The following LINGO2 variants were observed in gnomAD, a reference collection of about 807,000 sequenced individuals.
The protein encoded by LINGO2 is leucine rich repeat and Ig domain containing 2, also known as leucine-rich repeat and immunoglobulin-like domain-containing nogo receptor-interacting protein 2.
LINGO2 carries 14 observed loss-of-function variants against 30.6 expected under a neutral mutation model. That is an observed-to-expected ratio of 0.46 (90% CI 0.30 to 0.72). The LOEUF (loss-of-function observed/expected upper bound fraction) is 0.72. LINGO2 is among the 30% of genes least tolerant of loss of function. The pLI is 0.07. For synonymous variants in LINGO2, 317 were observed against 288.5 expected (o/e 1.10, Z -1.00); for missense variants, 729 against 751.7 (o/e 0.97, Z 0.35).
chr9:29,113,898 G>A, the LINGO2 span, among the ~76,000 whole-genome samples: 1 of 151,832 alleles, frequency 6.6e-6, no homozygotes, highest in Non-Finnish European at 1.5e-5. Context: ...CTTTCTACAT[G>A]GCCAAAGAAC....
chr9:29,028,334 T>C, the LINGO2 span, among the ~76,000 whole-genome samples: 1 of 149,906 alleles, frequency 6.7e-6, no homozygotes, highest in Non-Finnish European at 1.5e-5. Flanking sequence ...TATTGTGCAG[T>C]TCAGGAAGGA....
At chr9:28,781,144 T>G in the LINGO2 span, among the ~76,000 whole-genome samples, 1 of 152,038 alleles carries the variant, frequency 6.6e-6, no homozygotes, top group Non-Finnish European at 1.5e-5. Context: ...GGCCTTACAT[T>G]ATGTAATAGG....
intron 1 of LINGO2, among the ~76,000 whole-genome samples, chr9:28,641,615 C>T (rs1563886413): frequency 2.0e-5 from 3 of 152,130 alleles, no homozygotes. Flanking sequence ...TCTAATCTGA[C>T]CTGATTTCAC....
intron 3 of LINGO2, among the ~76,000 whole-genome samples, chr9:28,354,783 T>C (rs969398708): frequency 6.6e-6 from 1 of 152,198 alleles, no homozygotes; most frequent in Non-Finnish European, 1.5e-5. Flanking sequence ...AAAACTCTTT[T>C]AATATAACTT....
chr9:28,879,386 T>C, the LINGO2 span, among the ~76,000 whole-genome samples: 1 of 152,282 alleles, frequency 6.6e-6, no homozygotes, highest in Admixed American at 6.5e-5. Flanking sequence ...TTGGTTTTTA[T>C]TCTCCACCAC....
chr9:28,579,351 G>A (rs995685070), intron 1 of LINGO2, among the ~76,000 whole-genome samples: 2 of 151,980 alleles, frequency 1.3e-5, no homozygotes, highest in Admixed American at 1.3e-4. Context: ...TGACAGAAAA[G>A]TACATCCATT....
At position 28,227,211 on chromosome 9, in the gene LINGO2, C is replaced by T. The variant is rs999979129; in HGVS notation, c.-87+67997G>A. 2.0e-5 allele frequency among the ~76,000 whole-genome samples: 3 copies of T among 152,078 alleles called. 1 individual carries two copies. Among genetic ancestry groups the T allele is most frequent in the Non-Finnish European group, 4.4e-5 (3 of 67,980 alleles). ...ATAATGTATGCAAATCCAATAGGAG[C>T]TGGCAGAACAAGAAGTAAAATCCAG... On this transcript the variant is annotated intron_variant, in intron 4 of 5. Transcript: ENST00000379992.
the LINGO2 span, among the ~76,000 whole-genome samples, chr9:28,952,751 G>C: frequency 8.5e-5 from 13 of 152,144 alleles, no homozygotes; most frequent in Non-Finnish European, 1.8e-4. Flanking sequence ...GATTGTAGCT[G>C]CATGAATGTC....
chr9:28,950,040 T>A, the LINGO2 span, among the ~76,000 whole-genome samples: 1 of 152,118 alleles, frequency 6.6e-6, no homozygotes, highest in Admixed American at 6.6e-5. Context: ...AAAAAGTTTA[T>A]CCACCACAAA....
At chr9:28,051,086 C>G (rs1186184032) in intron 4 of LINGO2, among the ~76,000 whole-genome samples, 1 of 150,796 alleles carries the variant, frequency 6.6e-6, no homozygotes, top group Non-Finnish European at 1.5e-5. Context: ...GTCGTCTTCT[C>G]CTGCTTTCCT....
At chr9:28,026,827 C>T (rs184431438) in intron 4 of LINGO2, among the ~76,000 whole-genome samples, 9 of 152,244 alleles carry the variant, frequency 5.9e-5, no homozygotes, top group Admixed American at 3.9e-4. Context: ...TTTTTATTGC[C>T]AGTTATAAGT....
At chr9:28,144,739 G>A (rs1489899188) in intron 4 of LINGO2, among the ~76,000 whole-genome samples, 2 of 152,160 alleles carry the variant, frequency 1.3e-5, no homozygotes, top group Non-Finnish European at 2.9e-5. Context: ...CGGGACTCCT[G>A]CCTACAAGGA....
At chr9:28,362,026 C>A (rs908053404) in intron 3 of LINGO2, among the ~76,000 whole-genome samples, 3 of 152,162 alleles carry the variant, frequency 2.0e-5, no homozygotes, top group African/African-American at 7.2e-5. Flanking sequence ...CTGTCTGAAT[C>A]TGAATTTCCT....
At chr9:28,639,013 T>A (rs921265729) in intron 1 of LINGO2, among the ~76,000 whole-genome samples, 1 of 152,154 alleles carries the variant, frequency 6.6e-6, no homozygotes, top group Admixed American at 6.5e-5. Context: ...GATTCTGGTA[T>A]GTTGTGTCTT....
chr9:29,023,901 A>C, the LINGO2 span, among the ~76,000 whole-genome samples: 2 of 152,278 alleles, frequency 1.3e-5, no homozygotes, highest in African/African-American at 4.8e-5. Context: ...TATAATATGT[A>C]TAATACAGAT....
rs76369877 is a variant in LINGO2, at chr9:28,166,888, C to T, written c.-87+128320G>A. Among the ~76,000 whole-genome samples the T allele has an allele frequency of 8.6e-3, 1,311 of 152,208 alleles. 19 individuals are homozygous for T. The highest frequency in any genetic ancestry group is 0.027 in the African/African-American group (1,138 of 41,518). The stretch of plus-strand genomic sequence containing the variant: ...CCATTACTCTGTGCTATTTCATGTA[C>T]CTACTAAAGTATGACTCTTCTGGGG... On this transcript the variant is annotated intron_variant, in intron 4 of 5. Coordinates refer to ENST00000379992, the Ensembl canonical transcript of LINGO2.
chr9:28,742,407 C>G, the LINGO2 span, among the ~76,000 whole-genome samples: 1 of 151,312 alleles, frequency 6.6e-6, no homozygotes, highest in Admixed American at 6.6e-5. Flanking sequence ...TGTGCAAAGT[C>G]CTGTTCTGCC....
At chr9:28,106,733 C>G (rs980795576) in intron 4 of LINGO2, among the ~76,000 whole-genome samples, 2 of 152,090 alleles carry the variant, frequency 1.3e-5, no homozygotes, top group African/African-American at 2.4e-5. Flanking sequence ...AGCAGTGAAG[C>G]CTTCTCAAAT....
intron 5 of LINGO2, among the ~76,000 whole-genome samples, chr9:27,988,346 A>G (rs936467268): frequency 6.6e-6 from 1 of 151,962 alleles, no homozygotes; most frequent in African/African-American, 2.4e-5. Context: ...ATGATTTATA[A>G]TCCTTTGGGT....
Sources: gnomAD v4.1 joint callset for allele counts (sites outside exome capture counted in the v4.1 genomes callset) on GRCh38, gnomAD v4.1.1 for gene constraint, MANE v1.5 for transcripts, NCBI Gene and HGNC (gene_info 2026-07-23, HGNC 2026-07-21) for gene names.